COL4A4: variants seen among roughly 807,000 people sequenced by gnomAD.
COL4A4 encodes the protein collagen type IV alpha 4 chain.
Under a neutral mutation model 192.9 loss-of-function variants are expected in COL4A4, and 105 were observed. The ratio of observed to expected loss-of-function variants is 0.54; its 90% confidence interval spans 0.46 to 0.64. The LOEUF (loss-of-function observed/expected upper bound fraction) is 0.64, where lower values mean the gene tolerates loss of function less well. Among genes scored for constraint, COL4A4 ranks in the 30% least tolerant of loss-of-function variants. The pLI, the probability that COL4A4 is intolerant of heterozygous loss-of-function variation, is 0.00. For synonymous variants in COL4A4, 762 were observed against 769.9 expected (o/e 0.99, Z 0.17); for missense variants, 1,967 against 2,169.3 (o/e 0.91, Z 1.85).
chr2:227,022,111 G>T lies in COL4A4; in HGVS notation c.4153C>A (p.Pro1385Thr). The T allele has an allele frequency of 6.2e-7, 1 of 1,614,108 alleles. No individual in the cohort carries two copies. Among genetic ancestry groups the T allele is most frequent in the Non-Finnish European group, 8.5e-7 (1 of 1,180,022 alleles). ...GCTCCTTCTGGTCCTCTCATGCCTG[G>T]CGCCCCAGGAAGGCCTGGGATTCGG... ...CPRIPGLPGA[P>T]GMRGPEGAMG... is the part of the protein sequence containing the mutation. The change falls in exon 44 of 48, where the codon CCA (proline) becomes ACA (threonine). Residue 1385 changes from proline (P) to threonine (T), a missense_variant. Coordinates refer to ENST00000396625, the MANE Select transcript of COL4A4 (RefSeq NM_000092.5).
At chr2:227,159,809 C>T (rs1294787311) in intron 1 of COL4A4, among the ~76,000 whole-genome samples, 1 of 152,162 alleles carries the variant, frequency 6.6e-6, no homozygotes, top group Non-Finnish European at 1.5e-5. Context: ...TCAATTAAGC[C>T]TCTTTTCTTT....
intron 46 of COL4A4, 47 bp from the exon 47 acceptor site, chr2:227,008,351 G>A: frequency 1.3e-6 from 2 of 1,595,956 alleles, no homozygotes; most frequent in South Asian, 1.1e-5. Flanking sequence ...ACCCCATGTA[G>A]GTGTTCCCAG....
the COL4A4 span, among the ~76,000 whole-genome samples, chr2:226,975,880 C>T: frequency 6.6e-6 from 1 of 152,220 alleles, no homozygotes; most frequent in South Asian, 2.1e-4. Context: ...CCTTGTCCCT[C>T]TGAGGGTTCT....
At chr2:227,111,473 T>C (rs78944338) in intron 9 of COL4A4, among the ~76,000 whole-genome samples, 1 of 152,162 alleles carries the variant, frequency 6.6e-6, no homozygotes. Context: ...GGCATGAGAC[T>C]GGTGCAGTTA....
chr2:227,085,092 T>C (rs935702586), intron 22 of COL4A4, among the ~76,000 whole-genome samples: 5 of 151,566 alleles, frequency 3.3e-5, no homozygotes, highest in African/African-American at 4.9e-5. Context: ...GATTGCACCA[T>C]TGCACTCCAG....
chr2:227,143,138 G>GT (rs1004261967), intron 3 of COL4A4, among the ~76,000 whole-genome samples: 14 of 152,098 alleles, frequency 9.2e-5, no homozygotes, highest in Non-Finnish European at 5.9e-5. Flanking sequence ...ATATTTTGCT[G>GT]TTTTCACATA....
the COL4A4 span, among the ~76,000 whole-genome samples, chr2:226,990,645 G>A: frequency 6.6e-6 from 1 of 152,172 alleles, no homozygotes; most frequent in Non-Finnish European, 1.5e-5. Flanking sequence ...TCCCTTAGAT[G>A]TAAAATGCAG....
chr2:227,162,000 T>C (rs537129776), intron 1 of COL4A4, among the ~76,000 whole-genome samples: 40 of 152,254 alleles, frequency 2.6e-4, no homozygotes, highest in African/African-American at 9.1e-4. Context: ...ACAAAGGGTT[T>C]TTGCTATCTC....
chr2:227,088,936 C>T (rs1275686087), intron 21 of COL4A4, 120 bp from the exon 22 acceptor site: 5 of 1,208,022 alleles, frequency 4.1e-6, no homozygotes, highest in Non-Finnish European at 6.0e-6. Flanking sequence ...GCACTTCTTG[C>T]AGACAATTGA....
chr2:227,132,701 A>T (rs2062559025), intron 4 of COL4A4, among the ~76,000 whole-genome samples: 1 of 152,100 alleles, frequency 6.6e-6, no homozygotes, highest in Admixed American at 6.5e-5. Context: ...GCTTGAACAC[A>T]GGAGGTGGAA....
intron 1 of COL4A4, among the ~76,000 whole-genome samples, chr2:227,157,480 G>C (rs1168432150): frequency 1.3e-5 from 2 of 151,920 alleles, no homozygotes; most frequent in East Asian, 3.8e-4. Context: ...TCAAACAGTA[G>C]AGAAAAATCA....
chr2:226,969,058 C>CTT, the COL4A4 span: 1 of 208,264 alleles, frequency 4.8e-6, no homozygotes, highest in East Asian at 1.1e-4. Flanking sequence ...CAAGGTGTTG[C>CTT]TTTGTCTCTG....
At chr2:227,012,356 C>A (rs1158879964) in intron 44 of COL4A4, 59 bp from the exon 45 acceptor site, 4 of 1,357,330 alleles carry the variant, frequency 2.9e-6, no homozygotes, top group Non-Finnish European at 4.2e-6. Context: ...CTAGCATTTA[C>A]CGTGCTTATA....
At chr2:226,987,274 A>G in the COL4A4 span, among the ~76,000 whole-genome samples, 1 of 152,122 alleles carries the variant, frequency 6.6e-6, no homozygotes, top group Non-Finnish European at 1.5e-5. Context: ...GCAAACCACC[A>G]TGGCACACAT....
At chr2:227,054,817 T>G in intron 30 of COL4A4, 80 bp from the exon 31 acceptor site, 4 of 1,454,640 alleles carry the variant, frequency 2.7e-6, no homozygotes, top group Non-Finnish European at 3.8e-6. Context: ...GTGGACAGAG[T>G]CTCACTCTGT....
intron 1 of COL4A4, among the ~76,000 whole-genome samples, chr2:227,149,099 T>G (rs532746865): frequency 6.6e-6 from 1 of 152,306 alleles, no homozygotes; most frequent in Non-Finnish European, 1.5e-5. Context: ...TCAGCCTGCC[T>G]CAGCCTCCCA....
At position 227,108,593 on chromosome 2, in the gene COL4A4, T is replaced by G. The variant is rs201673987; in HGVS notation, c.723A>C (p.Gln241His). 117 of 1,613,926 alleles carry G rather than the reference T, an allele frequency of 7.2e-5. No individual in the cohort carries two copies. Among genetic ancestry groups the G allele is most frequent in the Non-Finnish European group, 9.3e-5 (110 of 1,179,908 alleles). ...AGGGAATTCTTACCGGGTCTCCCATTTGCCCCTTTACTCCCACACCGGGAT... is the reference window on the plus strand; with the variant it reads ...AGGGAATTCTTACCGGGTCTCCCATGTGCCCCTTTACTCCCACACCGGGAT... ...KGNPGVGVKG[Q>H]MGDPGEVGQQ... The change falls in exon 12 of 48, where the codon CAA becomes CAC. Residue 241 changes from glutamine (Q) to histidine (H), a missense_variant. Transcript: ENST00000396625.
intron 47 of COL4A4, 102 bp from the exon 48 acceptor site, chr2:227,007,690 CT>C: frequency 6.8e-7 from 1 of 1,466,102 alleles, no homozygotes; most frequent in Non-Finnish European, 9.4e-7. Flanking sequence ...AACATTTTTC[CT>C]TAGATTATTC....
In COL4A4 at chr2:227,042,816, C is replaced by T. The variant is rs150078481; in HGVS notation, c.3397+261G>A. On this transcript the variant is annotated intron_variant, in intron 36 of 47. Coordinates refer to ENST00000396625, the MANE Select transcript of COL4A4 (RefSeq NM_000092.5). ...ATAAAAACTAAAAAGAAAGGAGTTG[C>T]TATCTGTCTGACCATTCCTTTGTGT... Among the ~76,000 whole-genome samples the T allele has an allele frequency of 1.5e-3, 235 of 152,302 alleles. 1 individual carries two copies. Among genetic ancestry groups the T allele is most frequent in the African/African-American group, 5.4e-3 (224 of 41,574 alleles).
Sources: allele counts gnomAD v4.1 joint callset (sites outside exome capture counted in the v4.1 genomes callset), GRCh38; gene constraint gnomAD v4.1.1; transcripts MANE v1.5; gene names NCBI Gene and HGNC (gene_info 2026-07-23, HGNC 2026-07-21).